CA10: variants seen among roughly 807,000 people sequenced by gnomAD.
CA10 encodes carbonic anhydrase 10 (inactive).
CA10 carries 14 observed loss-of-function variants against 44.2 expected under a neutral mutation model. The ratio of observed to expected loss-of-function variants is 0.32; its 90% CI spans 0.21 to 0.50. The LOEUF (loss-of-function observed/expected upper bound fraction) is 0.50. CA10 is among the 20% of genes least tolerant of loss of function. The probability of loss-of-function intolerance (pLI) is 0.99; values close to 1 mark genes in which losing one functional copy is unlikely to be tolerated. For missense variants in CA10, 350 were observed against 409.7 expected (o/e 0.85, Z 1.26); for synonymous variants, 159 against 141.6 (o/e 1.12, Z -0.87).
chr17:51,814,122 C>A lies in CA10; in HGVS notation c.280-66304G>T, dbSNP rs1026843979. 2.6e-5 allele frequency among the ~76,000 whole-genome samples: 4 copies of A among 152,198 alleles called. No individual in the cohort carries two copies. In the East Asian group the frequency reaches 5.8e-4, roughly 22 times the overall value. On this transcript the variant is annotated intron_variant, in intron 3 of 8. Coordinates refer to ENST00000451037, the MANE Select transcript of CA10 (RefSeq NM_020178.5). The stretch of plus-strand genomic sequence containing the variant: ...TGCATGATCTTCGGCAAGACCTTAA[C>A]CTCTTGGGGCCTCAGTTACTTCAAT...
At chr17:52,042,991 C>T (rs1213564411) in intron 2 of CA10, among the ~76,000 whole-genome samples, 1 of 151,934 alleles carries the variant, frequency 6.6e-6, no homozygotes, top group African/African-American at 2.4e-5. Flanking sequence ...CCTTTGATTA[C>T]CAGAGCTTTG....
chr17:51,633,552 G>A lies in CA10; in HGVS notation c.888C>T (p.Cys296=), dbSNP rs552014770. The change falls in exon 8 of 9, where the codon TGC becomes TGT. Residue 296 remains cysteine (C), a synonymous_variant. Coordinates refer to ENST00000451037, the MANE Select transcript of CA10 (RefSeq NM_020178.5). ...FRPVQPLNNR[C]IRTNINFSLQ... Reference sequence around the variant, plus strand: ...AACTGAAGTTGATATTGGTGCGGATGCAGCGGTTGTTGAGTGGCTGGACAG... The same window carrying A: ...AACTGAAGTTGATATTGGTGCGGATACAGCGGTTGTTGAGTGGCTGGACAG... The A allele has an allele frequency of 6.2e-7, 1 of 1,614,112 alleles. No individual in the cohort carries two copies. Among genetic ancestry groups the A allele is most frequent in the African/African-American group, 1.3e-5 (1 of 75,050 alleles).
chr17:51,885,964 T>C (rs1980580645), intron 3 of CA10, among the ~76,000 whole-genome samples: 1 of 152,238 alleles, frequency 6.6e-6, no homozygotes, highest in Non-Finnish European at 1.5e-5. Flanking sequence ...GGTTTCTAAC[T>C]AAGGCATTTT....
intron 4 of CA10, among the ~76,000 whole-genome samples, chr17:51,660,305 A>T (rs1426340246): frequency 6.6e-6 from 1 of 152,228 alleles, no homozygotes; most frequent in Admixed American, 6.5e-5. Flanking sequence ...GAATTTTCTT[A>T]GGACCAGAGG....
intron 2 of CA10, among the ~76,000 whole-genome samples, chr17:51,940,337 G>C: frequency 6.6e-6 from 1 of 152,034 alleles, no homozygotes; most frequent in East Asian, 1.9e-4. Context: ...TGATCAAAAA[G>C]ATGCTGCTCT....
chr17:51,998,638 T>A (rs1985319727), intron 2 of CA10, among the ~76,000 whole-genome samples: 1 of 152,082 alleles, frequency 6.6e-6, no homozygotes, highest in Admixed American at 6.6e-5. Flanking sequence ...TTATTTATAT[T>A]TATTTGTCCT....
Position 51,875,688 on chromosome 17 carries a change from T to TGG in CA10, c.279+55300_279+55301dup, listed in dbSNP as rs112524069. Among the ~76,000 whole-genome samples the TGG allele has an allele frequency of 4.0e-5, 6 of 151,746 alleles. No homozygotes were observed. In the East Asian group the frequency reaches 7.7e-4, roughly 20 times the overall value. Reference sequence around the variant, plus strand: ...ATTTATATTACTAAAGTTTATTTTTTGGGGGGGGTATATAGTTAAATGAGT... The same window carrying TGG: ...ATTTATATTACTAAAGTTTATTTTTTGGGGGGGGGGTATATAGTTAAATGAGT... On this transcript the variant is annotated intron_variant, in intron 3 of 8. Coordinates refer to ENST00000451037, the MANE Select transcript of CA10 (RefSeq NM_020178.5).
At chr17:51,730,869 T>A (rs1316718615) in intron 4 of CA10, among the ~76,000 whole-genome samples, 1 of 150,192 alleles carries the variant, frequency 6.7e-6, no homozygotes, top group Non-Finnish European at 1.5e-5. Context: ...GTGTCCTACA[T>A]CTGGGACTGT....
chr17:52,069,700 TTGAAC>T (rs1987630000), intron 2 of CA10, among the ~76,000 whole-genome samples: 1 of 152,238 alleles, frequency 6.6e-6, no homozygotes, highest in Non-Finnish European at 1.5e-5. Flanking sequence ...ATAAATGCTA[TTGAAC>T]TGACCAAAGT....
At chr17:51,941,622 C>T (rs1331118075) in intron 2 of CA10, among the ~76,000 whole-genome samples, 1 of 152,102 alleles carries the variant, frequency 6.6e-6, no homozygotes, top group African/African-American at 2.4e-5. Context: ...AATCACATGA[C>T]CTACTTGATG....
At chr17:52,014,007 A>T (rs1049582933) in intron 2 of CA10, among the ~76,000 whole-genome samples, 1 of 151,974 alleles carries the variant, frequency 6.6e-6, no homozygotes, top group African/African-American at 2.4e-5. Flanking sequence ...AGCAAAGATA[A>T]ATCATGACAA....
At chr17:52,137,400 A>T (rs958580193) in intron 1 of CA10, among the ~76,000 whole-genome samples, 2 of 152,246 alleles carry the variant, frequency 1.3e-5, no homozygotes, top group Non-Finnish European at 2.9e-5. Context: ...TTAGATATTC[A>T]AGTGAAAATA....
chr17:51,759,673 T>A (rs561050111), intron 3 of CA10, among the ~76,000 whole-genome samples: 1 of 152,158 alleles, frequency 6.6e-6, no homozygotes, highest in East Asian at 1.9e-4. Flanking sequence ...CCATTCTGCC[T>A]CAGTAGGTCT....
At chr17:52,071,931 C>T (rs548846549) in intron 2 of CA10, among the ~76,000 whole-genome samples, 33 of 152,304 alleles carry the variant, frequency 2.2e-4, no homozygotes, top group African/African-American at 7.7e-4. Flanking sequence ...GTGCTAAGTG[C>T]TGGCCATGGA....
intron 3 of CA10, among the ~76,000 whole-genome samples, chr17:51,909,547 T>A (rs947302165): frequency 2.0e-5 from 3 of 152,152 alleles, no homozygotes; most frequent in Admixed American, 6.6e-5. Flanking sequence ...AGCAATCCTT[T>A]ATAAGAACAA....
At chr17:51,740,114 G>C (rs1373365815) in intron 4 of CA10, among the ~76,000 whole-genome samples, 1 of 151,874 alleles carries the variant, frequency 6.6e-6, no homozygotes, top group Non-Finnish European at 1.5e-5. Flanking sequence ...ATGATCTATT[G>C]GGTATAATCT....
At chr17:51,972,375 C>A (rs985226715) in intron 2 of CA10, among the ~76,000 whole-genome samples, 1 of 151,914 alleles carries the variant, frequency 6.6e-6, no homozygotes, top group South Asian at 2.1e-4. Context: ...TCAAGATTAT[C>A]GATGGTATTC....
chr17:51,662,638 G>T (rs558200790), intron 4 of CA10, among the ~76,000 whole-genome samples: 1 of 152,282 alleles, frequency 6.6e-6, no homozygotes, highest in East Asian at 1.9e-4. Flanking sequence ...AGTCTGCAGA[G>T]AAGAACACAG....
At position 52,061,898 on chromosome 17, in the gene CA10, C is replaced by G. The variant is rs373205621; in HGVS notation, c.136+10421G>C. The stretch of plus-strand genomic sequence containing the variant: ...TAGGAAACTAATACAATTACTTTAA[C>G]TATCACTTAATTGGGATGTATTGAA... On this transcript the variant is annotated intron_variant, in intron 2 of 8. Coordinates refer to ENST00000451037, the MANE Select transcript of CA10 (RefSeq NM_020178.5). Among the ~76,000 whole-genome samples the G allele has an allele frequency of 1.2e-4, 18 of 152,086 alleles. No homozygotes were observed. In the East Asian group the frequency reaches 3.3e-3, roughly 28 times the overall value.
Sources: gnomAD v4.1 joint callset for allele counts (sites outside exome capture counted in the v4.1 genomes callset) on GRCh38, gnomAD v4.1.1 for gene constraint, MANE v1.5 for transcripts, NCBI Gene and HGNC (gene_info 2026-07-23, HGNC 2026-07-21) for gene names.